CPQ: variants seen among roughly 807,000 people sequenced by gnomAD.
CPQ encodes the protein Ser-Met dipeptidase.
A neutral mutation model predicts 45.7 loss-of-function variants in CPQ; 37 were observed. That is an observed-to-expected ratio of 0.81 (90% CI 0.62 to 1.07). CPQ has a LOEUF of 1.07. CPQ is among the 50% of genes least tolerant of loss of function. CPQ has a pLI of 0.00. For synonymous variants in CPQ, 186 were observed against 205.8 expected, an observed-to-expected ratio of 0.90 and a Z score of 0.82; for missense variants, 537 against 572.9, an observed-to-expected ratio of 0.94 and a Z score of 0.64.
Position 97,127,795 on chromosome 8 carries a change from G to T in CPQ, c.1256-15225G>T, listed in dbSNP as rs570713893. Reference sequence around the variant, plus strand: ...AAACAAACTATGCAATAATGTGGATGAATTCCCAAATCATTATGCTGAGCA... The same window carrying T: ...AAACAAACTATGCAATAATGTGGATTAATTCCCAAATCATTATGCTGAGCA... On this transcript the variant is annotated intron_variant, in intron 7 of 7. Transcript: ENST00000220763. 5.9e-5 allele frequency among the ~76,000 whole-genome samples: 9 copies of T among 152,338 alleles called. No individual in the cohort carries two copies. The South Asian group carries it at 1.9e-3, about 32-fold the overall frequency.
chr8:96,670,544 A>G (rs1309993865), intron 1 of CPQ, among the ~76,000 whole-genome samples: 1 of 152,174 alleles, frequency 6.6e-6, no homozygotes, highest in Admixed American at 6.5e-5. Context: ...AAATTAACAG[A>G]GACAGACATT....
chr8:96,660,494 A>C (rs1291900981), intron 1 of CPQ, among the ~76,000 whole-genome samples: 1 of 152,100 alleles, frequency 6.6e-6, no homozygotes, highest in East Asian at 1.9e-4. Flanking sequence ...CATAACACCG[A>C]CTGTATCCCT....
intron 4 of CPQ, among the ~76,000 whole-genome samples, chr8:96,885,388 C>T (rs1812288648): frequency 6.6e-6 from 1 of 152,138 alleles, no homozygotes; most frequent in Non-Finnish European, 1.5e-5. Context: ...ATTAAGTTCT[C>T]AACACATGAA....
At chr8:96,940,948 A>G (rs930838593) in intron 4 of CPQ, among the ~76,000 whole-genome samples, 3 of 152,090 alleles carry the variant, frequency 2.0e-5, no homozygotes, top group Admixed American at 6.6e-5. Context: ...CTTTCCCCAA[A>G]TCTTGGGAAC....
intron 1 of CPQ, 47 bp from the exon 2 acceptor site, chr8:96,784,817 C>G: frequency 7.3e-7 from 1 of 1,367,446 alleles, no homozygotes. Flanking sequence ...GGGCAGATAG[C>G]TGTGAGATTC....
intron 6 of CPQ, among the ~76,000 whole-genome samples, chr8:97,039,133 C>G (rs1322338129): frequency 6.6e-6 from 1 of 152,160 alleles, no homozygotes; most frequent in East Asian, 1.9e-4. Flanking sequence ...CAGTCTAGTG[C>G]CTTACTTATA....
At chr8:97,073,386 T>G (rs1810786750) in intron 7 of CPQ, among the ~76,000 whole-genome samples, 1 of 152,240 alleles carries the variant, frequency 6.6e-6, no homozygotes, top group Non-Finnish European at 1.5e-5. Context: ...CGTTTTCCAA[T>G]CACCAGATGG....
At chr8:96,914,391 G>C (rs1812705493) in intron 4 of CPQ, among the ~76,000 whole-genome samples, 1 of 152,060 alleles carries the variant, frequency 6.6e-6, no homozygotes, top group Admixed American at 6.6e-5. Flanking sequence ...AGAGCTCCAG[G>C]AATCCTTTTG....
chr8:96,747,409 A>G (rs1810202242), intron 1 of CPQ, among the ~76,000 whole-genome samples: 1 of 152,068 alleles, frequency 6.6e-6, no homozygotes, highest in Non-Finnish European at 1.5e-5. Context: ...ACAAATTTTG[A>G]GAAAGGCCTA....
intron 1 of CPQ, among the ~76,000 whole-genome samples, chr8:96,713,897 A>C (rs1332151390): frequency 1.3e-5 from 2 of 152,232 alleles, no homozygotes; most frequent in Non-Finnish European, 2.9e-5. Flanking sequence ...TTAATTTATG[A>C]AACTTAGTTT....
intron 4 of CPQ, among the ~76,000 whole-genome samples, chr8:96,945,446 T>C (rs1813177298): frequency 6.6e-6 from 1 of 152,188 alleles, no homozygotes; most frequent in African/African-American, 2.4e-5. Context: ...TTGTGTTCCA[T>C]TGATCTTAGC....
At chr8:97,104,135 G>T (rs1450540620) in intron 7 of CPQ, among the ~76,000 whole-genome samples, 1 of 152,170 alleles carries the variant, frequency 6.6e-6, no homozygotes, top group East Asian at 1.9e-4. Flanking sequence ...CGCTCAACAA[G>T]TGGTAGCTTC....
chr8:96,931,182 C>G (rs531206430), intron 4 of CPQ, among the ~76,000 whole-genome samples: 2 of 152,174 alleles, frequency 1.3e-5, no homozygotes, highest in Non-Finnish European at 2.9e-5. Context: ...ACAGAGTATC[C>G]TAGGGATGAA....
intron 2 of CPQ, among the ~76,000 whole-genome samples, chr8:96,788,504 A>C (rs575345195): frequency 1.3e-5 from 2 of 151,936 alleles, no homozygotes; most frequent in Non-Finnish European, 2.9e-5. Context: ...ACAGTTTTGG[A>C]GGTTTCCTTG....
chr8:97,118,314 G>C (rs959566977), intron 7 of CPQ, among the ~76,000 whole-genome samples: 1 of 152,130 alleles, frequency 6.6e-6, no homozygotes, highest in Non-Finnish European at 1.5e-5. Context: ...GGTGATTCTA[G>C]TCCTGGCTCA....
intron 6 of CPQ, among the ~76,000 whole-genome samples, chr8:97,030,948 G>A (rs1387335650): frequency 1.3e-5 from 2 of 152,092 alleles, no homozygotes; most frequent in African/African-American, 4.8e-5. Flanking sequence ...ACAGAGGAAA[G>A]CACACCAGAG....
chr8:96,999,782 T>C (rs902252762), intron 5 of CPQ, among the ~76,000 whole-genome samples: 6 of 152,216 alleles, frequency 3.9e-5, no homozygotes, highest in African/African-American at 1.2e-4. Context: ...TTGAATGGCA[T>C]TTCTGTCTTT....
chr8:96,855,789 A>T (rs35664131), intron 3 of CPQ, among the ~76,000 whole-genome samples: 58,416 of 152,080 alleles, frequency 0.38, 11,873 homozygotes, highest in Non-Finnish European at 0.46. Flanking sequence ...AAGATAAAAT[A>T]GGGTAATGCA....
At chr8:97,025,375 A>T (rs1475271888) in intron 5 of CPQ, among the ~76,000 whole-genome samples, 1 of 152,178 alleles carries the variant, frequency 6.6e-6, no homozygotes, top group East Asian at 1.9e-4. Context: ...GAGGAAAACC[A>T]TGTTGGCTAT....
Sources: allele counts gnomAD v4.1 joint callset (sites outside exome capture counted in the v4.1 genomes callset), GRCh38; gene constraint gnomAD v4.1.1; transcripts MANE v1.5; gene names NCBI Gene and HGNC (gene_info 2026-07-23, HGNC 2026-07-21).